SPTBN4: variants seen among roughly 807,000 people sequenced by gnomAD.
SPTBN4 encodes the protein spectrin beta, non-erythrocytic 4.
SPTBN4 carries 96 observed loss-of-function variants against 277.8 expected under a neutral mutation model. That is an observed-to-expected ratio of 0.35 (90% confidence interval 0.29 to 0.41). The LOEUF (loss-of-function observed/expected upper bound fraction) is 0.41, where lower values mean the gene tolerates loss of function less well. Ranked by LOEUF, SPTBN4 falls within the 10% of genes least tolerant of loss-of-function variation. The pLI is 1.00. For missense variants in SPTBN4, 3,006 were observed against 3,595.7 expected (o/e 0.84, Z 4.19); for synonymous variants, 1,481 against 1,580.3 (o/e 0.94, Z 1.49).
intron 20 of SPTBN4, among the ~76,000 whole-genome samples, chr19:40,538,390 CA>C (rs1233852253): frequency 0.01 from 1,093 of 105,054 alleles, 18 homozygotes; most frequent in African/African-American, 0.031. Context: ...GACTCTGTCT[CA>C]AAAAAAAAAA....
In SPTBN4 at chr19:40,512,895, G is replaced by C. The variant is rs775806674; in HGVS notation, c.2106G>C (p.Lys702Asn). The C allele has an allele frequency of 2.1e-6, 3 of 1,437,792 alleles. No homozygotes were observed. The highest frequency in any genetic ancestry group is 3.1e-5 in the Admixed American group (1 of 32,426). 89.1% of individuals were successfully genotyped at this position (1,437,792 alleles called of 1,614,324 possible). ...CAGCGCGCCTCCTGGCCCAGCACAA[G>C]ATCCTGCAGGGCGAGCTGGGCGGGC... Reference protein sequence around the residue: ...SSTARLLAQHKILQGELGGRR... With the variant: ...SSTARLLAQHNILQGELGGRR... The change falls in exon 14 of 36, where the codon AAG becomes AAC. Residue 702 changes from lysine (K) to asparagine (N), a missense_variant. Transcript: ENST00000598249.
At position 40,504,137 on chromosome 19, in the gene SPTBN4, C is replaced by CGGG. The variant is rs200129769; in HGVS notation, c.1665+7_1665+8insGGG. 14 of 585,852 alleles carry CGGG rather than the reference C, an allele frequency of 2.4e-5. 1 individual carries two copies. The highest frequency in any genetic ancestry group is 2.8e-4 in the African/African-American group (2 of 7,256). The allele number at this position is 585,852 out of a possible 1,614,324, so 36.3% of individuals were successfully genotyped here. A position where few individuals can be genotyped will look rare whatever the true frequency, so the allele number is the denominator to read the frequency against. ...GACTGGATGGAGGAGATGCAGGTGCCGGCGGGGGGGCGGGGATGCGGGTGG... is the reference window on the plus strand; with the variant it reads ...GACTGGATGGAGGAGATGCAGGTGCCGGGGGCGGGGGGGCGGGGATGCGGGTGG... On this transcript the variant is annotated splice_donor_region_variant and intron_variant, in intron 12 of 35. Transcript: ENST00000598249.
At chr19:40,517,694 A>G (rs10413556) in intron 15 of SPTBN4, among the ~76,000 whole-genome samples, 73,653 of 152,128 alleles carry the variant, frequency 0.48, 19,912 homozygotes, top group African/African-American at 0.74. Flanking sequence ...GGCCTAAAAA[A>G]ATAACTACAA....
chr19:40,552,257 C>T (rs1278668658), intron 22 of SPTBN4, among the ~76,000 whole-genome samples: 1 of 151,934 alleles, frequency 6.6e-6, no homozygotes, highest in African/African-American at 2.4e-5. Context: ...AGATCGAGAC[C>T]ATCCTGGCTA....
intron 7 of SPTBN4, among the ~76,000 whole-genome samples, chr19:40,500,844 CA>C (rs199928603): frequency 6.1e-5 from 8 of 130,676 alleles, no homozygotes; most frequent in Non-Finnish European, 6.5e-5. Context: ...GAGACTGTCT[CA>C]AAAAAAAAGA....
At position 40,568,012 on chromosome 19, in the gene SPTBN4, C is replaced by T. The variant is rs1295248693; in HGVS notation, c.6686C>T (p.Pro2229Leu). ...ATPAAAEQVR[P>L]RPERQESADR... is the part of the protein sequence containing the mutation. ...CCCGCGGCGGCGGAGCAGGTGCGGC[C>T]ACGACCGGAGCGCCAGGAGTCAGCT... Residue 2229 changes from proline to leucine, a missense_variant, in exon 31 of 36, where the codon CCA becomes CTA. Transcript: ENST00000598249. The T allele has an allele frequency of 3.9e-6, 6 of 1,535,866 alleles. No homozygotes were observed. Among genetic ancestry groups the T allele is most frequent in the East Asian group, 2.5e-5 (1 of 39,634 alleles).
intron 15 of SPTBN4, among the ~76,000 whole-genome samples, chr19:40,516,054 T>C (rs973136931): frequency 2.8e-5 from 4 of 140,720 alleles, no homozygotes; most frequent in East Asian, 2.0e-4. Context: ...TATATATATA[T>C]ACACACTATA....
intron 20 of SPTBN4, among the ~76,000 whole-genome samples, chr19:40,539,186 C>T (rs1436829890): frequency 6.6e-6 from 1 of 152,222 alleles, no homozygotes; most frequent in African/African-American, 2.4e-5. Flanking sequence ...TCTTCCCCAG[C>T]AGTGTTTTGC....
At chr19:40,523,304 C>G (rs913443623) in intron 16 of SPTBN4, 133 bp from the exon 17 acceptor site, 5 of 838,184 alleles carry the variant, frequency 6.0e-6, no homozygotes, top group Admixed American at 2.5e-5. Flanking sequence ...GCAACAGCCC[C>G]GAGGTGGGAC....
At chr19:40,475,608 C>G (rs534986581) in intron 2 of SPTBN4, among the ~76,000 whole-genome samples, 7 of 152,030 alleles carry the variant, frequency 4.6e-5, no homozygotes, top group Non-Finnish European at 7.4e-5. Flanking sequence ...ACTACAGGCC[C>G]GCACCACCAT....
chr19:40,566,481 A>G, intron 30 of SPTBN4, 122 bp downstream of exon 30: 2 of 913,004 alleles, frequency 2.2e-6, no homozygotes, highest in Non-Finnish European at 3.0e-6. Flanking sequence ...GAGTGCCAAG[A>G]CAGACTCTTG....
Position 40,554,694 on chromosome 19 carries a change from A to C in SPTBN4, c.5084+48A>C, listed in dbSNP as rs1421088167. The C allele has an allele frequency of 6.3e-7, 1 of 1,580,868 alleles. No homozygotes were observed. Among genetic ancestry groups the C allele is most frequent in the Non-Finnish European group, 8.6e-7 (1 of 1,164,456 alleles). ...CACAGGAATGGTCCAGCAGGACCTG[A>C]AGCTTCGCTGTTGGGAGTTGGCGCA... On this transcript the variant is annotated intron_variant, in intron 24 of 35. Transcript: ENST00000598249. This position sits in a 1 kb window ranked among gnomAD's most constrained non-coding sequence, Gnocchi z 5.7.
At chr19:40,565,593 A>C in intron 28 of SPTBN4, 32 bp downstream of exon 28, 1 of 1,600,626 alleles carries the variant, frequency 6.2e-7, no homozygotes, top group African/African-American at 1.3e-5. Flanking sequence ...CCCCTCTGCC[A>C]CCCGGGCACA....
At chr19:40,559,623 G>A (rs1599810317) in intron 26 of SPTBN4, among the ~76,000 whole-genome samples, 1 of 152,188 alleles carries the variant, frequency 6.6e-6, no homozygotes, top group East Asian at 1.9e-4. Context: ...ACTGCAGCCT[G>A]GGCAACAGAG....
At chr19:40,567,616 G>GCCCCCCCCCAACAAAA in intron 30 of SPTBN4, 47 bp from the exon 31 acceptor site, 1 of 551,360 alleles carries the variant, frequency 1.8e-6, no homozygotes, top group Non-Finnish European at 2.8e-6. Flanking sequence ...CCCTTACCCC[G>GCCCCCCCCCAACAAAA]CCCCGGCCCC....
rs2080086766 is a variant in SPTBN4 at position 40,487,581 on chromosome 19, G to C, written c.170-116G>C. 5.2e-6 allele frequency: 7 copies of C among 1,337,202 alleles called. No homozygotes were observed. In the South Asian group the frequency reaches 9.6e-5, roughly 18 times the overall value. The allele number at this position is 1,337,202 out of a possible 1,614,324, so 82.8% of individuals were successfully genotyped here. On this transcript the variant is annotated intron_variant, in intron 2 of 35. Transcript: ENST00000598249. ...GGCTGGTCTCGAACTCCTACCTCAGGTGATCCGCCTGTGAGGCTGGACTCT... is the reference window on the plus strand; with the variant it reads ...GGCTGGTCTCGAACTCCTACCTCAGCTGATCCGCCTGTGAGGCTGGACTCT...
intron 21 of SPTBN4, 142 bp from the exon 22 acceptor site, chr19:40,550,095 AC>A: frequency 3.7e-5 from 23 of 627,860 alleles, no homozygotes; most frequent in East Asian, 1.1e-4. Context: ...AAAAAAAAAA[AC>A]AAAAAATGGA....
intron 18 of SPTBN4, among the ~76,000 whole-genome samples, chr19:40,531,310 T>A (rs1382827214): frequency 6.6e-6 from 1 of 151,620 alleles, no homozygotes; most frequent in Non-Finnish European, 1.5e-5. Flanking sequence ...TTGGTTCTAG[T>A]GTGTGTATGA....
chr19:40,524,555 T>A (rs2080567948), intron 17 of SPTBN4: 2 of 455,574 alleles, frequency 4.4e-6, no homozygotes, highest in South Asian at 3.1e-5. Context: ...TGCCTCATTA[T>A]CCATCCTGCT....
Sources: allele counts gnomAD v4.1 joint callset (sites outside exome capture counted in the v4.1 genomes callset), GRCh38; gene constraint gnomAD v4.1.1; non-coding constraint Gnocchi (gnomAD v3.1); transcripts MANE v1.5; gene names NCBI Gene and HGNC (gene_info 2026-07-23, HGNC 2026-07-21).